The following KCNQ2 variants were observed in gnomAD, a reference collection of about 807,000 sequenced individuals.
KCNQ2 encodes potassium voltage-gated channel subfamily KQT member 2.
A neutral mutation model predicts 84.8 loss-of-function variants in KCNQ2; 14 were observed. The ratio of observed to expected loss-of-function variants is 0.17; its 90% CI spans 0.11 to 0.26. The LOEUF (loss-of-function observed/expected upper bound fraction) is 0.26, where lower values mean the gene tolerates loss of function less well. Ranked by LOEUF, KCNQ2 falls within the 10% of genes least tolerant of loss-of-function variation. The probability of loss-of-function intolerance (pLI) is 1.00; values close to 1 mark genes in which losing one functional copy is unlikely to be tolerated. For missense variants in KCNQ2, 788 were observed against 1,254.0 expected (o/e 0.63, Z 5.61); for synonymous variants, 599 against 554.1 (o/e 1.08, Z -1.14).
chr20:63,433,156 CA>C (rs986265105), intron 8 of KCNQ2, among the ~76,000 whole-genome samples: 1 of 152,132 alleles, frequency 6.6e-6, no homozygotes, highest in Non-Finnish European at 1.5e-5. Flanking sequence ...TTTTGTAAAA[CA>C]AAAAAACACG....
At position 63,442,497 on chromosome 20, in the gene KCNQ2, CAAAG is replaced by C. The variant is rs2081191595; in HGVS notation, c.721_724del (p.Leu241ValfsTer31). On this transcript the variant is annotated frameshift_variant, in exon 5 of 17. Transcript: ENST00000359125. LOFTEE classifies it high-confidence loss of function. ...CACCAGGAACGAGGCCAGGATGAGA[CAAAG>C]GAAGCCGATGTACCAGGCAGTGACC... 6.2e-7 allele frequency: 1 copy of C among 1,613,570 alleles called. No homozygotes were observed. The highest frequency in any genetic ancestry group is 8.5e-7 in the Non-Finnish European group (1 of 1,179,934).
intron 1 of KCNQ2, among the ~76,000 whole-genome samples, chr20:63,452,285 T>C (rs916029430): frequency 6.6e-6 from 1 of 152,230 alleles, no homozygotes; most frequent in African/African-American, 2.4e-5. Flanking sequence ...CTCCATGCCA[T>C]TGAGAAGCTG....
Position 63,403,750 on chromosome 20 carries a change from C to T in KCNQ2, c.*2894G>A, listed in dbSNP as rs3746367. ...GTGCATGTGTACGCCTGTATGCGGA[C>T]ATGTATGTGAGCACGTGTGTGTGCC... On this transcript the variant is annotated 3_prime_UTR_variant, in exon 17 of 17. Transcript: ENST00000359125. The T allele has an allele frequency of 0.1, 15,964 of 152,356 alleles. 1,364 individuals are homozygous for T. Among genetic ancestry groups the T allele is most frequent in the East Asian group, 0.47 (2,415 of 5,180 alleles). 9.4% of individuals were successfully genotyped at this position (152,356 alleles called of 1,614,324 possible). A position where few individuals can be genotyped will look rare whatever the true frequency, so the allele number is the denominator to read the frequency against.
chr20:63,416,457 C>A (rs1435534520), intron 12 of KCNQ2, among the ~76,000 whole-genome samples: 2 of 152,198 alleles, frequency 1.3e-5, no homozygotes, highest in Non-Finnish European at 2.9e-5. Context: ...GCATCAGAAC[C>A]CCCTGGCTCC....
chr20:63,439,488 G>C, intron 6 of KCNQ2, 110 bp downstream of exon 6: 1 of 820,762 alleles, frequency 1.2e-6, no homozygotes, highest in Non-Finnish European at 2.1e-6. Context: ...GCTGAGAGCT[G>C]CTCCTGCCCC....
intron 9 of KCNQ2, among the ~76,000 whole-genome samples, chr20:63,429,913 C>T (rs2080743653): frequency 6.6e-6 from 1 of 152,176 alleles, no homozygotes; most frequent in African/African-American, 2.4e-5. Flanking sequence ...GAGTGGGGCT[C>T]CTGTGAGCCC....
Position 63,414,244 on chromosome 20 carries a change from T to G in KCNQ2, c.1526-51A>C. Reference sequence around the variant, plus strand: ...GGGGCCGAGGGGGCCGGGAGACCTATTCCCGGGGTCCTGCAGGGCACACCG... The same window carrying G: ...GGGGCCGAGGGGGCCGGGAGACCTAGTCCCGGGGTCCTGCAGGGCACACCG... On this transcript the variant is annotated intron_variant, in intron 13 of 16. Transcript: ENST00000359125. The surrounding 1 kb of genome is among the most constrained non-coding windows in gnomAD (Gnocchi z 6.6). 1 of 1,338,874 alleles carries G rather than the reference T, an allele frequency of 7.5e-7. No individual in the cohort carries two copies. The highest frequency in any genetic ancestry group is 1.1e-6 in the Non-Finnish European group (1 of 932,530). 82.9% of individuals were successfully genotyped at this position (1,338,874 alleles called of 1,614,324 possible).
In KCNQ2 at chr20:63,407,090, G is replaced by A. The variant is rs768284828; in HGVS notation, c.2173C>T (p.Arg725Cys). 4.0e-5 allele frequency: 62 copies of A among 1,534,640 alleles called. No homozygotes were observed. Among genetic ancestry groups the A allele is most frequent in the Middle Eastern group, 1.7e-4 (1 of 5,892 alleles). ...STSWQPQSHP[R>C]QGHGTSPVGD... is the part of the protein sequence containing the mutation. ...ACGGGGGAGGTGCCGTGGCCCTGGC[G>A]CGGGTGGCTCTGTGGCTGCCAGGAG... Residue 725 changes from arginine (R) to cysteine (C), a missense_variant, in exon 17 of 17, where the codon CGC becomes TGC. Transcript: ENST00000359125. This position sits in a 1 kb window ranked among gnomAD's most constrained non-coding sequence, Gnocchi z 7.2.
At chr20:63,423,333 C>G (rs1198283215) in intron 11 of KCNQ2, among the ~76,000 whole-genome samples, 3 of 152,196 alleles carry the variant, frequency 2.0e-5, no homozygotes, top group African/African-American at 7.2e-5. Context: ...AGCCAGGCGT[C>G]CATCTCGGAC....
At chr20:63,430,025 AGTCT>A (rs768068500) in intron 9 of KCNQ2, among the ~76,000 whole-genome samples, 5 of 152,120 alleles carry the variant, frequency 3.3e-5, no homozygotes, top group Non-Finnish European at 5.9e-5. Flanking sequence ...GCCTGGCCGG[AGTCT>A]GTCTGGGGGC....
At position 63,451,944 on chromosome 20, in the gene KCNQ2, C is replaced by T. The variant is rs560433538; in HGVS notation, c.297-5107G>A. 1.7e-3 allele frequency among the ~76,000 whole-genome samples: 254 copies of T among 152,350 alleles called. 1 individual carries two copies. Among genetic ancestry groups the T allele is most frequent in the Non-Finnish European group, 2.3e-3 (154 of 68,032 alleles). On this transcript the variant is annotated intron_variant, in intron 1 of 16. Transcript: ENST00000359125. ...CACAGGGTGGTCCTCCCAAGATCTG[C>T]CCCGGGAAGGACCACGGCCGTGCTT...
chr20:63,420,243 G>A (rs550044468), intron 11 of KCNQ2, among the ~76,000 whole-genome samples: 50 of 152,378 alleles, frequency 3.3e-4, no homozygotes, highest in Middle Eastern at 3.4e-3. Context: ...GGACAGTCAC[G>A]TTGGGGCTCA....
intron 4 of KCNQ2, among the ~76,000 whole-genome samples, chr20:63,442,905 C>CCACCATCACCAT (rs200636870): frequency 5.7e-5 from 2 of 35,030 alleles, no homozygotes; most frequent in Non-Finnish European, 5.8e-5. Flanking sequence ...ACCATCACCA[C>CCACCATCACCAT]CACCATCACC....
At position 63,442,689 on chromosome 20, in the gene KCNQ2, CCAT is replaced by C. The variant is rs376205147; in HGVS notation, c.691-161_691-159del. 4.4e-4 allele frequency among the ~76,000 whole-genome samples: 44 copies of C among 99,048 alleles called. 3 individuals are homozygous for C. Among genetic ancestry groups the C allele is most frequent in the African/African-American group, 7.6e-4 (19 of 25,148 alleles). The allele number at this position is 99,048 out of a possible 152,430, so 65.0% of individuals were successfully genotyped here. On this transcript the variant is annotated intron_variant, in intron 4 of 16. Coordinates refer to ENST00000359125, the MANE Select transcript of KCNQ2 (RefSeq NM_172107.4). ...ACCACCACCACCACCACCACCATCA[CCAT>C]CACCACCATCACCATCACCACCACC...
intron 15 of KCNQ2, among the ~76,000 whole-genome samples, chr20:63,410,532 G>A (rs2145514541): frequency 6.6e-6 from 1 of 152,326 alleles, no homozygotes; most frequent in East Asian, 1.9e-4. Flanking sequence ...CAGGAGGACG[G>A]AGGACCAGCC....
chr20:63,428,809 G>A (rs1163176033), intron 9 of KCNQ2, among the ~76,000 whole-genome samples: 1 of 152,148 alleles, frequency 6.6e-6, no homozygotes, highest in Non-Finnish European at 1.5e-5. Context: ...ATCCTAGAGG[G>A]ACAGCACGCG....
rs2080216522 is a variant in KCNQ2 at position 63,414,254 on chromosome 20, C to T, written c.1526-61G>A. 1 of 1,235,000 alleles carries T rather than the reference C, an allele frequency of 8.1e-7. No homozygotes were observed. Among genetic ancestry groups the T allele is most frequent in the Non-Finnish European group, 1.2e-6 (1 of 839,904 alleles). The allele number at this position is 1,235,000 out of a possible 1,614,324, so 76.5% of individuals were successfully genotyped here. ...GGGCCGGGAGACCTATTCCCGGGGT[C>T]CTGCAGGGCACACCGGCTAGACAGA... On this transcript the variant is annotated intron_variant, in intron 13 of 16. Transcript: ENST00000359125. This position sits in a 1 kb window ranked among gnomAD's most constrained non-coding sequence, Gnocchi z 6.6.
At position 63,427,282 on chromosome 20, in the gene KCNQ2, G is replaced by T. The variant is rs1001117796; in HGVS notation, c.1217+1085C>A. ...AGAATCATTTAAATCAGGTGTGTGT[G>T]ATTGCAGGTGTGCATCAGCCTGGGG... On this transcript the variant is annotated intron_variant, in intron 10 of 16. Coordinates refer to ENST00000359125, the MANE Select transcript of KCNQ2 (RefSeq NM_172107.4). Among the ~76,000 whole-genome samples, 19 of 152,374 alleles carry T rather than the reference G, an allele frequency of 1.2e-4. 1 individual carries two copies. The highest frequency in any genetic ancestry group is 7.8e-4 in the Admixed American group (12 of 15,310).
intron 10 of KCNQ2, among the ~76,000 whole-genome samples, chr20:63,424,915 T>C (rs757438756): frequency 6.6e-6 from 1 of 152,192 alleles, no homozygotes; most frequent in Non-Finnish European, 1.5e-5. Context: ...GTACGCCGTG[T>C]TACAAGCAGG....
Sources: gnomAD v4.1 joint callset for allele counts (sites outside exome capture counted in the v4.1 genomes callset) on GRCh38, gnomAD v4.1.1 for gene constraint, Gnocchi (gnomAD v3.1) non-coding constraint, MANE v1.5 for transcripts, NCBI Gene and HGNC (gene_info 2026-07-23, HGNC 2026-07-21) for gene names.